The following RPS6KC1 variants were observed in gnomAD, a reference collection of about 807,000 sequenced individuals.
RPS6KC1 encodes the protein ribosomal protein S6 kinase C1.
Under a neutral mutation model 103.8 loss-of-function variants are expected in RPS6KC1, and 54 were observed. The observed-to-expected ratio is 0.52, with a 90% confidence interval of 0.42 to 0.65. The LOEUF is 0.65. Ranked by LOEUF, RPS6KC1 falls within the 30% of genes least tolerant of loss-of-function variation. The probability of loss-of-function intolerance (pLI) is 0.00; values close to 1 mark genes in which losing one functional copy is unlikely to be tolerated. For missense variants in RPS6KC1, 1,151 were observed against 1,253.8 expected (o/e 0.92, Z 1.24); for synonymous variants, 439 against 438.7 (o/e 1.00, Z -0.01).
chr1:213,636,920 G>GA, the RPS6KC1 span, among the ~76,000 whole-genome samples: 4 of 151,400 alleles, frequency 2.6e-5, no homozygotes, highest in African/African-American at 4.8e-5. Flanking sequence ...AAATTTAGAA[G>GA]AAAAAAAACA....
chr1:213,249,881 G>A (rs1179819781), intron 12 of RPS6KC1, among the ~76,000 whole-genome samples: 2 of 152,144 alleles, frequency 1.3e-5, no homozygotes, highest in African/African-American at 2.4e-5. Flanking sequence ...CTGGAGTGCC[G>A]AATCAAGTGA....
At chr1:213,348,437 G>C in the RPS6KC1 span, among the ~76,000 whole-genome samples, 2 of 152,186 alleles carry the variant, frequency 1.3e-5, no homozygotes, top group African/African-American at 4.8e-5. Context: ...GTCTTTCAAG[G>C]GTGCTCTGCA....
chr1:213,249,221 T>G (rs1416404009), intron 12 of RPS6KC1, among the ~76,000 whole-genome samples: 1 of 152,206 alleles, frequency 6.6e-6, no homozygotes, highest in Non-Finnish European at 1.5e-5. Context: ...GAACTGTCTT[T>G]TGCCTTTGAT....
the RPS6KC1 span, among the ~76,000 whole-genome samples, chr1:213,735,929 C>A: frequency 6.6e-6 from 1 of 152,146 alleles, no homozygotes; most frequent in Non-Finnish European, 1.5e-5. Context: ...TGTGTAATTT[C>A]TCTATGGAGC....
chr1:213,319,300 G>A, the RPS6KC1 span, among the ~76,000 whole-genome samples: 12 of 108,984 alleles, frequency 1.1e-4, no homozygotes, highest in Admixed American at 2.5e-4. Context: ...GTGACAGAGC[G>A]AGACTCTGTC....
intron 4 of RPS6KC1, among the ~76,000 whole-genome samples, chr1:213,116,735 T>C (rs540980533): frequency 3.9e-4 from 60 of 152,048 alleles, no homozygotes; most frequent in African/African-American, 1.4e-3. Context: ...GGAGCTCTTT[T>C]AGGGCAGGCC....
At chr1:213,266,632 C>G (rs2094917612) in intron 14 of RPS6KC1, among the ~76,000 whole-genome samples, 1 of 152,140 alleles carries the variant, frequency 6.6e-6, no homozygotes, top group Non-Finnish European at 1.5e-5. Context: ...ACTGGCCAGG[C>G]ATGGTGGCTC....
chr1:213,619,076 G>T, the RPS6KC1 span, among the ~76,000 whole-genome samples: 423 of 152,282 alleles, frequency 2.8e-3, 4 homozygotes, highest in Non-Finnish European at 2.1e-3. Flanking sequence ...ACAATAAAGA[G>T]ATGTATTATC....
chr1:213,300,105 G>A, the RPS6KC1 span, among the ~76,000 whole-genome samples: 197 of 152,264 alleles, frequency 1.3e-3, 3 homozygotes, highest in African/African-American at 4.2e-3. Flanking sequence ...GCACCCCGCC[G>A]CTAAATTCTT....
the RPS6KC1 span, among the ~76,000 whole-genome samples, chr1:213,473,144 T>A: frequency 6.6e-6 from 1 of 152,190 alleles, no homozygotes; most frequent in African/African-American, 2.4e-5. Context: ...TTGGGCAATG[T>A]TACATTTAAG....
chr1:213,220,854 T>C (rs1199545085), intron 8 of RPS6KC1, among the ~76,000 whole-genome samples: 3 of 152,230 alleles, frequency 2.0e-5, no homozygotes, highest in Non-Finnish European at 4.4e-5. Context: ...ATTCTGTTTT[T>C]AAAAGACACC....
chr1:213,733,071 A>G, the RPS6KC1 span, among the ~76,000 whole-genome samples: 1 of 152,118 alleles, frequency 6.6e-6, no homozygotes, highest in Non-Finnish European at 1.5e-5. Flanking sequence ...TTGACTCCAT[A>G]TCTTGGCTAT....
At chr1:213,793,138 G>A in the RPS6KC1 span, among the ~76,000 whole-genome samples, 367 of 152,230 alleles carry the variant, frequency 2.4e-3, 1 homozygote, top group Non-Finnish European at 4.0e-3. Context: ...TTACAGGTTC[G>A]GTCGTGACAT....
At chr1:213,705,817 G>A in the RPS6KC1 span, among the ~76,000 whole-genome samples, 2 of 152,172 alleles carry the variant, frequency 1.3e-5, no homozygotes, top group African/African-American at 4.8e-5. Flanking sequence ...ATATTGCCAG[G>A]ACTGGGTTCT....
At chr1:213,642,649 C>T in the RPS6KC1 span, among the ~76,000 whole-genome samples, 2 of 151,824 alleles carry the variant, frequency 1.3e-5, no homozygotes. Context: ...TTGTTTTGGA[C>T]TTAAATTATT....
At chr1:213,728,965 T>TTTTTTTTTTTTTTTC in the RPS6KC1 span, among the ~76,000 whole-genome samples, 1 of 141,042 alleles carries the variant, frequency 7.1e-6, no homozygotes, top group African/African-American at 2.7e-5. Flanking sequence ...TTTTTTTTTT[T>TTTTTTTTTTTTTTTC]ACCAGTGGAC....
the RPS6KC1 span, among the ~76,000 whole-genome samples, chr1:213,569,803 A>G: frequency 6.6e-6 from 1 of 152,186 alleles, no homozygotes; most frequent in African/African-American, 2.4e-5. Context: ...ATCATTCAAC[A>G]AACAGGTATT....
intron 14 of RPS6KC1, among the ~76,000 whole-genome samples, chr1:213,267,339 G>A (rs1429185760): frequency 6.6e-6 from 1 of 151,506 alleles, no homozygotes; most frequent in East Asian, 1.9e-4. Flanking sequence ...ACATTACAAT[G>A]CAGTGGGAAG....
chr1:213,252,111 A>G (rs2094556482), intron 12 of RPS6KC1, among the ~76,000 whole-genome samples: 1 of 152,204 alleles, frequency 6.6e-6, no homozygotes. Flanking sequence ...TTTGCTCTTT[A>G]GTCATCGGCT....
Sources: allele counts gnomAD v4.1 joint callset (sites outside exome capture counted in the v4.1 genomes callset), GRCh38; gene constraint gnomAD v4.1.1; transcripts MANE v1.5; gene names NCBI Gene and HGNC (gene_info 2026-07-23, HGNC 2026-07-21).